CDH11: variants seen among roughly 807,000 people sequenced by gnomAD.
The protein encoded by CDH11 is cadherin-11.
Under a neutral mutation model 67.8 loss-of-function variants are expected in CDH11, and 11 were observed. That is an observed-to-expected ratio of 0.16 (90% CI 0.10 to 0.27). CDH11 has a LOEUF of 0.27. CDH11 is among the 10% of genes least tolerant of loss of function. The probability of loss-of-function intolerance (pLI) is 1.00; values close to 1 mark genes in which losing one functional copy is unlikely to be tolerated. For synonymous variants in CDH11, 419 were observed against 400.0 expected (o/e 1.05, Z -0.57); for missense variants, 847 against 1,031.2 (o/e 0.82, Z 2.45).
At chr16:65,037,598 A>G (rs2073777804) in intron 2 of CDH11, among the ~76,000 whole-genome samples, 1 of 152,112 alleles carries the variant, frequency 6.6e-6, no homozygotes, top group African/African-American at 2.4e-5. Flanking sequence ...GATTGTAATA[A>G]CCACCCTCCT....
chr16:64,970,359 G>A (rs1017561745), intron 11 of CDH11, among the ~76,000 whole-genome samples: 1 of 152,152 alleles, frequency 6.6e-6, no homozygotes, highest in East Asian at 1.9e-4. Flanking sequence ...TCATCAGCAC[G>A]AAAGGATTCA....
intron 4 of CDH11, among the ~76,000 whole-genome samples, chr16:64,996,601 A>G (rs2072772871): frequency 6.6e-6 from 1 of 152,184 alleles, no homozygotes; most frequent in South Asian, 2.1e-4. Flanking sequence ...TTGTATATTT[A>G]TTGCAGCACT....
Position 64,947,492 on chromosome 16 carries a change from G to A in CDH11, c.*111C>T. On this transcript the variant is annotated 3_prime_UTR_variant, in exon 13 of 13. Transcript: ENST00000268603. ...AAATGTATCCTCTCTGTAAAACTTT[G>A]CCTGTTTTAAATGAGCCTTTCCTTG... 1 of 1,506,422 alleles carries A rather than the reference G, an allele frequency of 6.6e-7. No homozygotes were observed. Among genetic ancestry groups the A allele is most frequent in the Non-Finnish European group, 8.8e-7 (1 of 1,130,646 alleles). The allele number at this position is 1,506,422 out of a possible 1,614,324, so 93.3% of individuals were successfully genotyped here. A position where few individuals can be genotyped will look rare whatever the true frequency, so the allele number is the denominator to read the frequency against.
At chr16:64,951,736 C>T (rs1346676140) in intron 11 of CDH11, among the ~76,000 whole-genome samples, 1 of 152,042 alleles carries the variant, frequency 6.6e-6, no homozygotes. Flanking sequence ...AAAGAAATTC[C>T]AAGTCCACCT....
chr16:65,100,611 G>A (rs968509392), intron 1 of CDH11, among the ~76,000 whole-genome samples: 2 of 151,602 alleles, frequency 1.3e-5, no homozygotes, highest in Admixed American at 6.6e-5. Flanking sequence ...CGTGGCGGGC[G>A]CCTGTGATCC....
chr16:65,060,329 T>C lies in CDH11; in HGVS notation c.-297-6401A>G, dbSNP rs533449549. On this transcript the variant is annotated intron_variant, in intron 1 of 12. Transcript: ENST00000268603. The stretch of plus-strand genomic sequence containing the variant: ...GGGAAATATCTAAGCACACCCACTA[T>C]AAAATTTGCATATATATATATATAT... Among the ~76,000 whole-genome samples the C allele has an allele frequency of 4.1e-5, 5 of 121,740 alleles. No homozygotes were observed. In the South Asian group the frequency reaches 1.6e-3, roughly 38 times the overall value. 79.9% of individuals were successfully genotyped at this position (121,740 alleles called of 152,430 possible).
chr16:64,948,419 GGTCTGTA>G, intron 12 of CDH11: 2 of 620,274 alleles, frequency 3.2e-6, no homozygotes, highest in Non-Finnish European at 5.7e-6. Flanking sequence ...TAAATATGTT[GGTCTGTA>G]GTCTCTTAGA....
chr16:64,959,994 T>C (rs1047915566), intron 11 of CDH11, among the ~76,000 whole-genome samples: 5 of 152,238 alleles, frequency 3.3e-5, no homozygotes, highest in East Asian at 3.9e-4. Context: ...CTTTCTTATT[T>C]TTATTTTTGT....
intron 1 of CDH11, among the ~76,000 whole-genome samples, chr16:65,115,667 T>C (rs2142893305): frequency 7.9e-6 from 1 of 127,072 alleles, no homozygotes; most frequent in South Asian, 2.4e-4. Flanking sequence ...TTGTAAGTAA[T>C]GGAGGCAAAA....
intron 4 of CDH11, among the ~76,000 whole-genome samples, chr16:64,993,948 T>C (rs1301569826): frequency 6.6e-6 from 1 of 152,180 alleles, no homozygotes; most frequent in East Asian, 1.9e-4. Context: ...AGTGAGAAAT[T>C]GAACTTGAGA....
chr16:65,051,883 C>G (rs1445154110), intron 2 of CDH11, among the ~76,000 whole-genome samples: 1 of 152,216 alleles, frequency 6.6e-6, no homozygotes, highest in Admixed American at 6.5e-5. Context: ...AAACCACTTT[C>G]ATTTATAAAC....
At position 65,004,708 on chromosome 16, in the gene CDH11, G is replaced by A; in HGVS notation, c.162C>T (p.Gly54=). 1.2e-6 allele frequency: 2 copies of A among 1,613,956 alleles called. No homozygotes were observed. The highest frequency in any genetic ancestry group is 1.7e-6 in the Non-Finnish European group (2 of 1,180,008). The part of the protein sequence containing the change: ...EGQVLQRSKR[G]WVWNQFFVIE... ...TCACGAAGAACTGGTTCCAGACCCA[G>A]CCACGCTTGGAGCGCTGTAGCACCT... Residue 54 remains glycine, a synonymous_variant, in exon 3 of 13, where the codon GGC becomes GGT. Coordinates refer to ENST00000268603, the MANE Select transcript of CDH11 (RefSeq NM_001797.4).
intron 1 of CDH11, among the ~76,000 whole-genome samples, chr16:65,095,375 C>T (rs1389276652): frequency 6.6e-6 from 1 of 152,142 alleles, no homozygotes; most frequent in East Asian, 1.9e-4. Flanking sequence ...ACCTACTCCA[C>T]CATCTAAAGT....
At chr16:65,042,124 A>T (rs2073877492) in intron 2 of CDH11, among the ~76,000 whole-genome samples, 1 of 152,204 alleles carries the variant, frequency 6.6e-6, no homozygotes, top group South Asian at 2.1e-4. Flanking sequence ...AATTCAAGAA[A>T]TATTTAGAGT....
intron 1 of CDH11, chr16:65,072,183 A>C: frequency 6.6e-6 from 1 of 152,402 alleles, no homozygotes; most frequent in Non-Finnish European, 1.5e-5. Flanking sequence ...ACCAAGGGCC[A>C]CAGGACCGTG....
intron 6 of CDH11, among the ~76,000 whole-genome samples, chr16:64,989,372 T>C (rs1240626339): frequency 6.6e-6 from 1 of 152,100 alleles, no homozygotes; most frequent in Non-Finnish European, 1.5e-5. Flanking sequence ...CGCATGCTTG[T>C]GTTAATAATG....
At chr16:65,122,611 A>C (rs887762392), upstream of CDH11, among the ~76,000 whole-genome samples, 6 of 152,056 alleles carry the variant, frequency 3.9e-5, no homozygotes, top group Admixed American at 3.9e-4. Context: ...ACCTTCCAAA[A>C]ATCCCTCAAC....
intron 11 of CDH11, among the ~76,000 whole-genome samples, chr16:64,959,485 T>G (rs1358976754): frequency 9.2e-5 from 14 of 152,290 alleles, no homozygotes; most frequent in Non-Finnish European, 1.9e-4. Context: ...GTTAAGTCAG[T>G]GACCACGTGC....
At chr16:64,987,668 T>C (rs2072520931) in intron 7 of CDH11, 1 of 152,378 alleles carries the variant, frequency 6.6e-6, no homozygotes. Flanking sequence ...GGTCCATTAT[T>C]GTTGCTTCTC....
Sources: allele counts gnomAD v4.1 joint callset (sites outside exome capture counted in the v4.1 genomes callset), GRCh38; gene constraint gnomAD v4.1.1; transcripts MANE v1.5; gene names NCBI Gene and HGNC (gene_info 2026-07-23, HGNC 2026-07-21).